The following SH3RF2 variants were observed in gnomAD, a reference collection of about 807,000 sequenced individuals.
SH3RF2 encodes E3 ubiquitin-protein ligase SH3RF2.
A neutral mutation model predicts 59.0 loss-of-function variants in SH3RF2; 43 were observed. The ratio of observed to expected loss-of-function variants is 0.73; its 90% CI spans 0.57 to 0.94. SH3RF2 has a LOEUF of 0.94. SH3RF2 is among the 40% of genes least tolerant of loss of function. SH3RF2 has a pLI of 0.00. For synonymous variants in SH3RF2, 391 were observed against 391.5 expected (o/e 1.00, Z 0.01); for missense variants, 930 against 940.1 (o/e 0.99, Z 0.14).
intron 2 of SH3RF2, among the ~76,000 whole-genome samples, chr5:145,944,345 T>C (rs1757934322): frequency 6.6e-6 from 1 of 151,878 alleles, no homozygotes; most frequent in Non-Finnish European, 1.5e-5. Context: ...CCCTTTTTTT[T>C]TTTTTTTTTT....
chr5:145,970,976 A>G (rs540695289), intron 2 of SH3RF2, among the ~76,000 whole-genome samples: 4 of 152,170 alleles, frequency 2.6e-5, no homozygotes, highest in Non-Finnish European at 5.9e-5. Flanking sequence ...ACTTTGAGTC[A>G]TTTGGGGGTC....
At chr5:146,016,406 A>G (rs890410086) in intron 5 of SH3RF2, among the ~76,000 whole-genome samples, 29 of 133,304 alleles carry the variant, frequency 2.2e-4, no homozygotes, top group South Asian at 7.0e-4. Flanking sequence ...ATGGATGGAT[A>G]GATGATTGAT....
At chr5:146,064,265 A>G (rs1762992134), downstream of SH3RF2, among the ~76,000 whole-genome samples, 1 of 152,070 alleles carries the variant, frequency 6.6e-6, no homozygotes, top group Admixed American at 6.5e-5. Flanking sequence ...GGGCAACCTT[A>G]CATTCCCTGA....
chr5:146,026,324 G>T (rs1283751016), intron 5 of SH3RF2, among the ~76,000 whole-genome samples: 1 of 152,176 alleles, frequency 6.6e-6, no homozygotes, highest in Non-Finnish European at 1.5e-5. Context: ...GCACAAGAAA[G>T]GTGATAGATA....
At position 146,000,190 on chromosome 5, in the gene SH3RF2, A is replaced by G; in HGVS notation, c.511A>G (p.Ser171Gly). The change falls in exon 3 of 10, where the codon AGC becomes GGC. Residue 171 changes from serine to glycine, a missense_variant. By Grantham distance (56) the Ser-to-Gly change is moderately conservative. Coordinates refer to ENST00000359120, the MANE Select transcript of SH3RF2 (RefSeq NM_152550.4). ...NWYQGEINGI[S>G]GNFPASSVEV... ...GTACCAGGGGGAAATCAATGGCATCAGCGGGAACTTCCCAGCCAGCTCCGT... is the reference window on the plus strand; with the variant it reads ...GTACCAGGGGGAAATCAATGGCATCGGCGGGAACTTCCCAGCCAGCTCCGT... 6.2e-7 allele frequency: 1 copy of G among 1,613,720 alleles called. No individual in the cohort carries two copies. Among genetic ancestry groups the G allele is most frequent in the Non-Finnish European group, 8.5e-7 (1 of 1,179,848 alleles).
At chr5:145,986,506 C>T (rs895170380) in intron 2 of SH3RF2, among the ~76,000 whole-genome samples, 8 of 152,194 alleles carry the variant, frequency 5.3e-5, no homozygotes, top group Non-Finnish European at 1.2e-4. Context: ...AATGAGATGG[C>T]GCTTTCCCTC....
chr5:145,972,126 GT>G (rs1759107816), intron 2 of SH3RF2, among the ~76,000 whole-genome samples: 1 of 151,936 alleles, frequency 6.6e-6, no homozygotes, highest in African/African-American at 2.4e-5. Flanking sequence ...AACAAATATA[GT>G]TTGTTCAAAT....
intron 2 of SH3RF2, among the ~76,000 whole-genome samples, chr5:145,964,215 CCCTT>C (rs1758762062): frequency 6.9e-6 from 1 of 145,276 alleles, no homozygotes; most frequent in Non-Finnish European, 1.5e-5. Context: ...CTTCCTTCCT[CCCTT>C]CCTTCTTTCT....
At chr5:146,019,248 A>C (rs1189660937) in intron 5 of SH3RF2, among the ~76,000 whole-genome samples, 1 of 152,086 alleles carries the variant, frequency 6.6e-6, no homozygotes, top group Non-Finnish European at 1.5e-5. Context: ...TTCCGGTCTT[A>C]GATTTAAGTC....
Position 146,011,884 on chromosome 5 carries a change from C to G in SH3RF2, c.745-1863C>G, listed in dbSNP as rs186964651. 3.7e-3 allele frequency among the ~76,000 whole-genome samples: 570 copies of G among 152,258 alleles called. 6 individuals carry two copies. Among genetic ancestry groups the G allele is most frequent in the African/African-American group, 0.013 (544 of 41,548 alleles). On this transcript the variant is annotated intron_variant, in intron 4 of 9. Transcript: ENST00000359120. The stretch of plus-strand genomic sequence containing the variant: ...GAATACCCTTTATTTCTTTCTCCTG[C>G]CTGATTGCCCTGGCCAGAACTTCCA...
intron 2 of SH3RF2, chr5:145,997,255 A>T: frequency 1.1e-6 from 1 of 931,000 alleles, no homozygotes; most frequent in South Asian, 1.3e-5. Flanking sequence ...AGTCTGATAC[A>T]TGCATCTGTA....
At chr5:146,064,900 G>A (rs899543346), downstream of SH3RF2, among the ~76,000 whole-genome samples, 1 of 149,366 alleles carries the variant, frequency 6.7e-6, no homozygotes, top group Non-Finnish European at 1.5e-5. Flanking sequence ...GAGGGAGGGA[G>A]GAAGGGGCAT....
chr5:146,027,477 G>A (rs540807480), intron 5 of SH3RF2, among the ~76,000 whole-genome samples: 17 of 152,326 alleles, frequency 1.1e-4, no homozygotes, highest in Non-Finnish European at 5.9e-5. Context: ...CACTGAGCTG[G>A]GCACAGGTGA....
Position 146,020,690 on chromosome 5 carries a change from G to A in SH3RF2, c.1059+6629G>A, listed in dbSNP as rs528633918. Among the ~76,000 whole-genome samples, 33 of 152,156 alleles carry A rather than the reference G, an allele frequency of 2.2e-4. 1 individual carries two copies. The highest frequency in any genetic ancestry group is 6.2e-4 in the South Asian group (3 of 4,820). ...CCACATATATATCTTACCAACATGC[G>A]TAAGATTGAAAAACTTTTAAGAGCA... On this transcript the variant is annotated intron_variant, in intron 5 of 9. Coordinates refer to ENST00000359120, the MANE Select transcript of SH3RF2 (RefSeq NM_152550.4).
intron 2 of SH3RF2, among the ~76,000 whole-genome samples, chr5:145,975,431 C>A (rs1328070917): frequency 6.6e-6 from 1 of 152,226 alleles, no homozygotes; most frequent in Non-Finnish European, 1.5e-5. Flanking sequence ...CCTCCTCATG[C>A]AGACACAAGG....
At chr5:145,975,837 C>T (rs2149965307) in intron 2 of SH3RF2, among the ~76,000 whole-genome samples, 1 of 152,368 alleles carries the variant, frequency 6.6e-6, no homozygotes, top group East Asian at 1.9e-4. Context: ...TGCCTCACAT[C>T]CCTTATCTGT....
At chr5:145,940,298 C>G (rs1757769181) in intron 2 of SH3RF2, among the ~76,000 whole-genome samples, 1 of 152,224 alleles carries the variant, frequency 6.6e-6, no homozygotes, top group Non-Finnish European at 1.5e-5. Context: ...TATGTCCTAA[C>G]TATCCTTTCT....
intron 5 of SH3RF2, among the ~76,000 whole-genome samples, chr5:146,047,037 A>G (rs1387928850): frequency 6.6e-6 from 1 of 152,182 alleles, no homozygotes. Flanking sequence ...GTTTATAGGC[A>G]TGAGGCACTG....
At position 145,957,769 on chromosome 5, in the gene SH3RF2, A is replaced by G. The variant is rs145763709; in HGVS notation, c.378+19463A>G. Among the ~76,000 whole-genome samples, 133 of 152,192 alleles carry G rather than the reference A, an allele frequency of 8.7e-4. 1 individual carries two copies. In the South Asian group the frequency reaches 0.012, roughly 14 times the overall value. ...GAGCACCTCACTGTTCACTTCAACA[A>G]TGTTCACCTGCAGGATGTTTTCAGG... On this transcript the variant is annotated intron_variant, in intron 2 of 9. Coordinates refer to ENST00000359120, the MANE Select transcript of SH3RF2 (RefSeq NM_152550.4).
Sources: gnomAD v4.1 joint callset for allele counts (sites outside exome capture counted in the v4.1 genomes callset) on GRCh38, gnomAD v4.1.1 for gene constraint, MANE v1.5 for transcripts, NCBI Gene and HGNC (gene_info 2026-07-23, HGNC 2026-07-21) for gene names.